The following CLVS1 variants were observed in gnomAD, a reference collection of about 807,000 sequenced individuals.
CLVS1 encodes clavesin-1.
Under a neutral mutation model 33.1 loss-of-function variants are expected in CLVS1, and 10 were observed. That is an observed-to-expected ratio of 0.30 (90% CI 0.19 to 0.51). The LOEUF is 0.51. CLVS1 is among the 20% of genes least tolerant of loss of function. The probability of loss-of-function intolerance (pLI) is 0.97; values close to 1 mark genes in which losing one functional copy is unlikely to be tolerated. For missense variants in CLVS1, 343 were observed against 433.4 expected (o/e 0.79, Z 1.85); for synonymous variants, 163 against 166.1 (o/e 0.98, Z 0.14).
intron 2 of CLVS1, among the ~76,000 whole-genome samples, chr8:61,273,302 C>T (rs1257306707): frequency 2.0e-5 from 3 of 152,186 alleles, no homozygotes; most frequent in Non-Finnish European, 2.9e-5. Context: ...TTAGGTTGCT[C>T]GGGGGTCAGG....
intron 2 of CLVS1, among the ~76,000 whole-genome samples, chr8:61,204,480 A>T (rs1384902879): frequency 6.6e-6 from 1 of 152,206 alleles, no homozygotes; most frequent in Non-Finnish European, 1.5e-5. Flanking sequence ...CACTATTAAA[A>T]ATGTACTTAA....
intron 2 of CLVS1, among the ~76,000 whole-genome samples, chr8:61,365,449 C>T (rs949853578): frequency 6.6e-6 from 1 of 151,926 alleles, no homozygotes; most frequent in East Asian, 1.9e-4. Context: ...ATAGCTTGAA[C>T]CCTGGGGGCA....
chr8:60,971,071 C>CTTTTTTT, the CLVS1 span, among the ~76,000 whole-genome samples: 15 of 91,072 alleles, frequency 1.6e-4, no homozygotes, highest in African/African-American at 1.8e-4. Flanking sequence ...ATGACTTTTC[C>CTTTTTTT]TTTTTTTTTT....
chr8:61,240,381 T>C (rs1267419729), intron 2 of CLVS1, among the ~76,000 whole-genome samples: 2 of 152,210 alleles, frequency 1.3e-5, no homozygotes, highest in Admixed American at 6.5e-5. Context: ...TGGACTTCCC[T>C]TCACACATAA....
chr8:61,101,519 A>C (rs79900231), intron 1 of CLVS1, among the ~76,000 whole-genome samples: 2,100 of 152,296 alleles, frequency 0.014, 47 homozygotes, highest in African/African-American at 0.044. Flanking sequence ...CATGATACAA[A>C]TTCTTTATCA....
At chr8:61,170,330 C>A (rs190920701) in intron 2 of CLVS1, among the ~76,000 whole-genome samples, 104 of 152,218 alleles carry the variant, frequency 6.8e-4, no homozygotes, top group Non-Finnish European at 1.3e-3. Flanking sequence ...CTCACTTTCT[C>A]CCCCTCTCTT....
At chr8:61,486,078 C>T (rs11987285) in intron 5 of CLVS1, among the ~76,000 whole-genome samples, 2,775 of 144,924 alleles carry the variant, frequency 0.019, 79 homozygotes, top group African/African-American at 0.065. Context: ...CACATGTACC[C>T]TACAACTTAA....
chr8:61,254,593 G>C (rs1203353174), intron 2 of CLVS1, among the ~76,000 whole-genome samples: 1 of 152,118 alleles, frequency 6.6e-6, no homozygotes, highest in East Asian at 1.9e-4. Flanking sequence ...CAGCCACTTT[G>C]TTTACCTACT....
chr8:61,121,737 G>C (rs1162424189), intron 1 of CLVS1, among the ~76,000 whole-genome samples: 2 of 152,222 alleles, frequency 1.3e-5, no homozygotes, highest in African/African-American at 4.8e-5. Context: ...AAAACAGCAG[G>C]ACAGTTCATA....
intron 2 of CLVS1, among the ~76,000 whole-genome samples, chr8:61,209,358 C>T (rs962348313): frequency 6.6e-6 from 1 of 152,316 alleles, no homozygotes; most frequent in Admixed American, 6.5e-5. Context: ...ATAGAAAATG[C>T]TCATTGTCAC....
chr8:61,049,854 C>T, the CLVS1 span, among the ~76,000 whole-genome samples: 7 of 152,252 alleles, frequency 4.6e-5, no homozygotes, highest in Middle Eastern at 3.4e-3. Context: ...TGCATAGAAG[C>T]GGCGCTGAAA....
At chr8:61,447,352 T>C (rs1222107612) in intron 3 of CLVS1, among the ~76,000 whole-genome samples, 1 of 152,064 alleles carries the variant, frequency 6.6e-6, no homozygotes, top group Non-Finnish European at 1.5e-5. Context: ...TTTTAATTGG[T>C]ATACTTAGAT....
chr8:61,325,992 G>T (rs1811369909), intron 2 of CLVS1, among the ~76,000 whole-genome samples: 1 of 152,086 alleles, frequency 6.6e-6, no homozygotes, highest in South Asian at 2.1e-4. Context: ...CATTATCTCA[G>T]AAAACACTCT....
chr8:61,370,553 C>A (rs1337529107), intron 2 of CLVS1: 1 of 152,408 alleles, frequency 6.6e-6, no homozygotes, highest in South Asian at 2.1e-4. Flanking sequence ...CCACGTCAGG[C>A]TAATTTTTTG....
chr8:61,080,360 T>G (rs1804999459), intron 1 of CLVS1, among the ~76,000 whole-genome samples: 1 of 152,174 alleles, frequency 6.6e-6, no homozygotes, highest in East Asian at 1.9e-4. Context: ...AGTCATCACT[T>G]AAAAGATAAA....
chr8:61,263,645 T>C (rs1379675086), intron 2 of CLVS1, among the ~76,000 whole-genome samples: 1 of 152,326 alleles, frequency 6.6e-6, no homozygotes, highest in East Asian at 1.9e-4. Context: ...GCAAACACTA[T>C]AATGCAGCAT....
chr8:61,438,444 T>C (rs1816424616), intron 3 of CLVS1, among the ~76,000 whole-genome samples: 2 of 152,236 alleles, frequency 1.3e-5, no homozygotes, highest in South Asian at 4.1e-4. Flanking sequence ...GGCATTTGGG[T>C]TGATTCCATG....
the CLVS1 span, chr8:60,967,585 G>A: frequency 2.2e-6 from 1 of 454,750 alleles, no homozygotes; most frequent in Non-Finnish European, 4.4e-6. Flanking sequence ...TGTCGTCTGC[G>A]CAGCATTCAG....
intron 2 of CLVS1, among the ~76,000 whole-genome samples, chr8:61,317,137 C>T (rs1486645): frequency 0.5 from 75,669 of 151,890 alleles, 19,366 homozygotes; most frequent in East Asian, 0.82. Context: ...ACAACAGAAA[C>T]TTATTTCTCA....
Sources: gnomAD v4.1 joint callset for allele counts (sites outside exome capture counted in the v4.1 genomes callset) on GRCh38, gnomAD v4.1.1 for gene constraint, MANE v1.5 for transcripts, NCBI Gene and HGNC (gene_info 2026-07-23, HGNC 2026-07-21) for gene names.